MAP3K1: variants seen among roughly 807,000 people sequenced by gnomAD.
MAP3K1 encodes MAP/ERK kinase kinase 1.
In MAP3K1, 36 loss-of-function variants were observed where a neutral mutation model predicts 144.2. The observed-to-expected ratio is 0.25, with a 90% confidence interval of 0.19 to 0.33. The LOEUF (loss-of-function observed/expected upper bound fraction) is 0.33. MAP3K1 is among the 10% of genes least tolerant of loss of function. MAP3K1 has a pLI of 1.00. For synonymous variants in MAP3K1, 718 were observed against 688.7 expected (o/e 1.04, Z -0.67); for missense variants, 1,650 against 1,881.9 (o/e 0.88, Z 2.28).
In MAP3K1 at chr5:56,846,142, C is replaced by T. The variant is rs539354174; in HGVS notation, c.483-10458C>T. Among the ~76,000 whole-genome samples the T allele has an allele frequency of 5.8e-4, 89 of 152,278 alleles. 1 individual carries two copies. The highest frequency in any genetic ancestry group is 1.0e-3 in the South Asian group (5 of 4,834). On this transcript the variant is annotated intron_variant, in intron 1 of 19. Transcript: ENST00000399503. ...AACAATGTTGTTTTTCTGTCACTAACGTTTTTATATGTTTTCTAAGATGAT... is the reference window on the plus strand; with the variant it reads ...AACAATGTTGTTTTTCTGTCACTAATGTTTTTATATGTTTTCTAAGATGAT...
intron 1 of MAP3K1, among the ~76,000 whole-genome samples, chr5:56,830,463 T>A (rs1746452595): frequency 6.6e-6 from 1 of 152,182 alleles, no homozygotes; most frequent in Non-Finnish European, 1.5e-5. Context: ...TCTAAATTAC[T>A]GCCTTTTCAC....
At chr5:56,834,139 G>GTAA (rs3832360) in intron 1 of MAP3K1, among the ~76,000 whole-genome samples, 116,979 of 151,718 alleles carry the variant, frequency 0.77, 45,449 homozygotes, top group Non-Finnish European at 0.82. Flanking sequence ...TTTTTCTTCA[G>GTAA]TAGTAGTTTG....
chr5:56,841,641 A>C (rs1021169995), intron 1 of MAP3K1, among the ~76,000 whole-genome samples: 25 of 152,330 alleles, frequency 1.6e-4, no homozygotes, highest in Middle Eastern at 3.4e-3. Flanking sequence ...TGAGCTTTCT[A>C]TCTTCTGATG....
chr5:56,862,668 C>T (rs1048885078), intron 3 of MAP3K1, among the ~76,000 whole-genome samples: 12 of 152,244 alleles, frequency 7.9e-5, no homozygotes, highest in South Asian at 2.1e-4. Flanking sequence ...TATTTTTATA[C>T]GTATGTCATC....
At chr5:56,879,173 G>A (rs1264610253) in intron 11 of MAP3K1, 72 bp downstream of exon 11, 17 of 1,520,500 alleles carry the variant, frequency 1.1e-5, no homozygotes, top group South Asian at 2.2e-5. Flanking sequence ...CTCACACCTA[G>A]TGTGAATATC....
Position 56,894,400 on chromosome 5 carries a change from A to C in MAP3K1, c.*720A>C, listed in dbSNP as rs148220153. 1.2e-3 allele frequency: 280 copies of C among 232,312 alleles called. No homozygotes were observed. Among genetic ancestry groups the C allele is most frequent in the Middle Eastern group, 0.012 (9 of 782 alleles). The allele number at this position is 232,312 out of a possible 1,614,324, so 14.4% of individuals were successfully genotyped here. On this transcript the variant is annotated 3_prime_UTR_variant, in exon 20 of 20. Transcript: ENST00000399503. ...AAAAAATGAACTAGATATGAAGTAG[A>C]GTTCATTAAATATCTTGCTATTGTC...
At chr5:56,893,434 A>G (rs1748608029) in intron 19 of MAP3K1, 97 bp from the exon 20 acceptor site, 4 of 1,277,310 alleles carry the variant, frequency 3.1e-6, no homozygotes, top group Non-Finnish European at 4.5e-6. Context: ...CTCTCTGTTC[A>G]GGATGTAAAT....
chr5:56,817,210 C>A, intron 1 of MAP3K1: 1 of 503,916 alleles, frequency 2.0e-6, no homozygotes, highest in Non-Finnish European at 2.6e-6. Context: ...ACAGCTACAT[C>A]CTTGTTTGTT....
intron 18 of MAP3K1, 119 bp from the exon 19 acceptor site, chr5:56,888,107 C>T: frequency 1.2e-6 from 1 of 859,988 alleles, no homozygotes; most frequent in East Asian, 2.5e-5. Flanking sequence ...AGGTAGTCCA[C>T]AGAATTCCTG....
intron 1 of MAP3K1, among the ~76,000 whole-genome samples, chr5:56,855,019 C>G (rs1382016090): frequency 6.6e-6 from 1 of 152,154 alleles, no homozygotes; most frequent in Non-Finnish European, 1.5e-5. Context: ...AAAGCTGAGC[C>G]TCCTGGAATA....
In MAP3K1 at chr5:56,815,722, G is replaced by T; in HGVS notation, c.149G>T (p.Gly50Val). ...GGACTGCTGCGGGAGGCGGGCAGCGGGGGCCGCGAGCGGGCGGACTGGCGG... is the reference window on the plus strand; with the variant it reads ...GGACTGCTGCGGGAGGCGGGCAGCGTGGGCCGCGAGCGGGCGGACTGGCGG... ...AAGLLREAGS[G>V]GRERADWRRR... The change falls in exon 1 of 20, where the codon GGG (glycine) becomes GTG (valine). Residue 50 changes from glycine (G) to valine (V), a missense_variant. Physicochemically the swap from Gly to Val is moderately radical, Grantham distance 109. Around this residue, in one of 6 missense-constraint regions of MAP3K1, gnomAD observed 360 missense variants for 274.7 expected, o/e 1.31. Coordinates refer to ENST00000399503, the MANE Select transcript of MAP3K1 (RefSeq NM_005921.2). The T allele has an allele frequency of 7.5e-7, 1 of 1,334,746 alleles. No individual in the cohort carries two copies. The highest frequency in any genetic ancestry group is 2.7e-4 in the Middle Eastern group (1 of 3,684). The allele number at this position is 1,334,746 out of a possible 1,614,324, so 82.7% of individuals were successfully genotyped here.
chr5:56,887,785 T>A (rs1440689896), intron 18 of MAP3K1: 2 of 491,160 alleles, frequency 4.1e-6, no homozygotes, highest in Admixed American at 6.7e-5. Context: ...GCAGTTGTTT[T>A]GTAATAAACT....
chr5:56,846,447 A>C (rs1435334542), intron 1 of MAP3K1, among the ~76,000 whole-genome samples: 1 of 152,228 alleles, frequency 6.6e-6, no homozygotes, highest in Non-Finnish European at 1.5e-5. Flanking sequence ...CTCTTTAAAA[A>C]ATAATTGTAC....
intron 1 of MAP3K1, among the ~76,000 whole-genome samples, chr5:56,840,411 G>C (rs1301074143): frequency 2.0e-5 from 3 of 152,190 alleles, no homozygotes; most frequent in African/African-American, 7.2e-5. Flanking sequence ...GCCTCCTAAA[G>C]TGCTGGGATT....
chr5:56,818,377 T>C (rs1326591165), intron 1 of MAP3K1, among the ~76,000 whole-genome samples: 6 of 152,154 alleles, frequency 3.9e-5, no homozygotes, highest in Non-Finnish European at 8.8e-5. Context: ...TTTTTGACAG[T>C]TAAGTTACAT....
Position 56,882,718 on chromosome 5 carries a change from A to G in MAP3K1, c.3518A>G (p.His1173Arg). ...NDDTYKDDVN[H>R]NQKCKEKMEA... ...GATACCTACAAAGATGATGTGAATCATAATCAAAAGTGCAAAGAGAAGATG... is the reference window on the plus strand; with the variant it reads ...GATACCTACAAAGATGATGTGAATCGTAATCAAAAGTGCAAAGAGAAGATG... The change falls in exon 14 of 20, where the codon CAT (histidine) becomes CGT (arginine). Residue 1173 changes from histidine (H) to arginine (R), a missense_variant. By Grantham distance (29) the His-to-Arg change is conservative (BLOSUM62 0). Transcript: ENST00000399503. 1.2e-6 allele frequency: 2 copies of G among 1,613,930 alleles called. No individual in the cohort carries two copies. Among genetic ancestry groups the G allele is most frequent in the Non-Finnish European group, 1.7e-6 (2 of 1,179,908 alleles).
chr5:56,887,839 C>T (rs1392658810), intron 18 of MAP3K1: 1 of 437,714 alleles, frequency 2.3e-6, no homozygotes, highest in Non-Finnish European at 4.2e-6. Context: ...TCTCTCTATT[C>T]TAAAAGGAGA....
intron 1 of MAP3K1, among the ~76,000 whole-genome samples, chr5:56,854,562 C>T (rs1294583918): frequency 6.6e-6 from 1 of 151,966 alleles, no homozygotes. Flanking sequence ...GAATGCTCAT[C>T]CCTATTATTT....
intron 19 of MAP3K1, among the ~76,000 whole-genome samples, chr5:56,893,010 T>C (rs2111974373): frequency 6.6e-6 from 1 of 152,108 alleles, no homozygotes; most frequent in Admixed American, 6.5e-5. Flanking sequence ...AATTTGTTTA[T>C]AAAAAAGTTA....
Sources: allele counts gnomAD v4.1 joint callset (sites outside exome capture counted in the v4.1 genomes callset), GRCh38; gene constraint gnomAD v4.1.1; regional missense constraint gnomAD v4.1.1; transcripts MANE v1.5; gene names NCBI Gene and HGNC (gene_info 2026-07-23, HGNC 2026-07-21).